Variants in KCND2 observed in about 807,000 individuals in gnomAD.
KCND2 encodes the protein potassium voltage-gated channel subfamily D member 2.
In KCND2, 16 loss-of-function variants were observed where a neutral mutation model predicts 54.4. The observed-to-expected ratio is 0.29, with a 90% CI of 0.20 to 0.45. The LOEUF is 0.45. KCND2 is among the 20% of genes least tolerant of loss of function. The probability of loss-of-function intolerance (pLI) is 1.00; values close to 1 mark genes in which losing one functional copy is unlikely to be tolerated. For synonymous variants in KCND2, 317 were observed against 310.7 expected (o/e 1.02, Z -0.21); for missense variants, 486 against 824.2 (o/e 0.59, Z 5.02).
chr7:120,328,089 C>T (rs1231931248), intron 1 of KCND2, among the ~76,000 whole-genome samples: 2 of 152,000 alleles, frequency 1.3e-5, no homozygotes, highest in East Asian at 3.9e-4. Flanking sequence ...CTGCTACAGC[C>T]CTTGTATTTC....
At chr7:120,746,421 T>C (rs1584905135) in intron 5 of KCND2, among the ~76,000 whole-genome samples, 1 of 152,128 alleles carries the variant, frequency 6.6e-6, no homozygotes, top group African/African-American at 2.4e-5. Context: ...CTAAAAATTA[T>C]TGAACAGCAT....
intron 1 of KCND2, among the ~76,000 whole-genome samples, chr7:120,316,383 T>G (rs1374890755): frequency 6.6e-6 from 1 of 152,226 alleles, no homozygotes; most frequent in Non-Finnish European, 1.5e-5. Flanking sequence ...AGCTCAATTA[T>G]TTTAACAAGG....
At position 120,415,906 on chromosome 7, in the gene KCND2, C is replaced by T. The variant is rs924440700; in HGVS notation, c.1115+140159C>T. Among the ~76,000 whole-genome samples, 4 of 152,184 alleles carry T rather than the reference C, an allele frequency of 2.6e-5. No homozygotes were observed. In the South Asian group the frequency reaches 6.2e-4, roughly 24 times the overall value. On this transcript the variant is annotated intron_variant, in intron 1 of 5. Coordinates refer to ENST00000331113, the MANE Select transcript of KCND2 (RefSeq NM_012281.3). ...TTAAAGAAAGGGACAGGCATCCATC[C>T]GTTTACAAAATCAGAAACCGAGAAG...
At chr7:120,592,484 A>G (rs951684303) in intron 1 of KCND2, among the ~76,000 whole-genome samples, 10 of 152,160 alleles carry the variant, frequency 6.6e-5, no homozygotes, top group African/African-American at 2.4e-4. Context: ...GGGAGCCAAG[A>G]TCATGCCACT....
intron 1 of KCND2, among the ~76,000 whole-genome samples, chr7:120,515,897 AAGG>A (rs1195826722): frequency 3.9e-5 from 6 of 152,104 alleles, no homozygotes; most frequent in Non-Finnish European, 7.4e-5. Flanking sequence ...AGAGAAGGAG[AAGG>A]AGAAGGTCTG....
At chr7:120,289,181 C>T (rs982604152) in intron 1 of KCND2, among the ~76,000 whole-genome samples, 1 of 151,956 alleles carries the variant, frequency 6.6e-6, no homozygotes, top group Non-Finnish European at 1.5e-5. Flanking sequence ...ATAGAGTATA[C>T]ACTTATTGGG....
At chr7:120,371,567 C>T (rs1269583780) in intron 1 of KCND2, among the ~76,000 whole-genome samples, 1 of 151,926 alleles carries the variant, frequency 6.6e-6, no homozygotes, top group Non-Finnish European at 1.5e-5. Flanking sequence ...TTTAAGATTC[C>T]ATAAGACCCT....
chr7:120,427,631 A>G (rs1029649283), intron 1 of KCND2, among the ~76,000 whole-genome samples: 3 of 152,256 alleles, frequency 2.0e-5, no homozygotes, highest in Non-Finnish European at 4.4e-5. Context: ...ATAAAAATTT[A>G]AGAATATGAA....
chr7:120,304,757 C>T (rs1352436120), intron 1 of KCND2, among the ~76,000 whole-genome samples: 3 of 151,934 alleles, frequency 2.0e-5, no homozygotes, highest in South Asian at 2.1e-4. Flanking sequence ...TTCTTCTTTG[C>T]GAATTGGTGG....
intron 1 of KCND2, among the ~76,000 whole-genome samples, chr7:120,277,453 C>T (rs934749674): frequency 3.3e-5 from 5 of 151,924 alleles, no homozygotes; most frequent in South Asian, 2.1e-4. Flanking sequence ...TAGAAGTACA[C>T]TTGAATAAAA....
intron 1 of KCND2, among the ~76,000 whole-genome samples, chr7:120,487,774 T>C (rs1234704580): frequency 1.3e-5 from 2 of 152,218 alleles, no homozygotes; most frequent in Admixed American, 1.3e-4. Context: ...TAAGGAAATA[T>C]TGAAATTACA....
intron 1 of KCND2, among the ~76,000 whole-genome samples, chr7:120,397,825 A>G (rs1563032930): frequency 2.0e-5 from 3 of 151,518 alleles, no homozygotes; most frequent in Non-Finnish European, 4.4e-5. Context: ...CTATTTAAAT[A>G]TATTTGTGTA....
chr7:120,401,203 C>T lies in KCND2; in HGVS notation c.1115+125456C>T, dbSNP rs11765472. On this transcript the variant is annotated intron_variant, in intron 1 of 5. Coordinates refer to ENST00000331113, the MANE Select transcript of KCND2 (RefSeq NM_012281.3). The stretch of plus-strand genomic sequence containing the variant: ...AGCAAAAAATCTAGGACAGATAGCA[C>T]GGTAGCATCTCAAGATACAGACCAT... Among the ~76,000 whole-genome samples, 6 of 152,034 alleles carry T rather than the reference C, an allele frequency of 3.9e-5. No homozygotes were observed. In the South Asian group the frequency reaches 8.3e-4, roughly 21 times the overall value.
intron 1 of KCND2, among the ~76,000 whole-genome samples, chr7:120,387,196 G>A (rs1490407236): frequency 6.6e-6 from 1 of 151,994 alleles, no homozygotes; most frequent in African/African-American, 2.4e-5. Flanking sequence ...ATAAATATTT[G>A]TTTGAATAAC....
chr7:120,750,200 G>T lies in KCND2; in HGVS notation c.*2342G>T, dbSNP rs1163842442. On this transcript the variant is annotated 3_prime_UTR_variant, in exon 6 of 6. Transcript: ENST00000331113. ...CTGTGTACCATATGGAGTAACTAAGGTCATTGTTTTTGACAATTTTGTTTG... is the reference window on the plus strand; with the variant it reads ...CTGTGTACCATATGGAGTAACTAAGTTCATTGTTTTTGACAATTTTGTTTG... 1.3e-5 allele frequency: 2 copies of T among 152,364 alleles called. No homozygotes were observed. Among genetic ancestry groups the T allele is most frequent in the Non-Finnish European group, 2.9e-5 (2 of 67,872 alleles). 9.4% of individuals were successfully genotyped at this position (152,364 alleles called of 1,614,324 possible).
chr7:120,557,104 A>G (rs1434840715), intron 1 of KCND2, among the ~76,000 whole-genome samples: 2 of 152,170 alleles, frequency 1.3e-5, no homozygotes, highest in Non-Finnish European at 2.9e-5. Context: ...AATGCTTATC[A>G]AAACATTTTG....
chr7:120,282,658 G>T (rs559389221), intron 1 of KCND2, among the ~76,000 whole-genome samples: 1 of 152,142 alleles, frequency 6.6e-6, no homozygotes, highest in African/African-American at 2.4e-5. Context: ...AGAATGGGAA[G>T]ATTTTGTTCT....
At chr7:120,662,135 A>G (rs909918353) in intron 1 of KCND2, among the ~76,000 whole-genome samples, 2 of 152,186 alleles carry the variant, frequency 1.3e-5, no homozygotes, top group Non-Finnish European at 1.5e-5. Context: ...TGTTAATCTT[A>G]GATCTGTTTA....
chr7:120,334,015 G>A (rs1800107824), intron 1 of KCND2, among the ~76,000 whole-genome samples: 1 of 152,094 alleles, frequency 6.6e-6, no homozygotes, highest in Non-Finnish European at 1.5e-5. Context: ...ATAGTATAAA[G>A]GCAGAAATAG....
Sources: gnomAD v4.1 joint callset for allele counts (sites outside exome capture counted in the v4.1 genomes callset) on GRCh38, gnomAD v4.1.1 for gene constraint, MANE v1.5 for transcripts, NCBI Gene and HGNC (gene_info 2026-07-23, HGNC 2026-07-21) for gene names.